Variants in ADTRP observed in about 807,000 individuals in gnomAD.
ADTRP encodes the protein androgen-dependent TFPI-regulating protein.
In ADTRP, 20 loss-of-function variants were observed where a neutral mutation model predicts 27.0. That is an observed-to-expected ratio of 0.74 (90% CI 0.52 to 1.08). ADTRP has a LOEUF of 1.08. ADTRP is among the 50% of genes least tolerant of loss of function. ADTRP has a pLI of 0.00. For missense variants in ADTRP, 251 were observed against 275.0 expected (o/e 0.91, Z 0.62); for synonymous variants, 101 against 105.2 (o/e 0.96, Z 0.25).
intron 1 of ADTRP, among the ~76,000 whole-genome samples, chr6:11,776,045 C>T (rs971677568): frequency 7.6e-3 from 1 of 132 alleles, no homozygotes; most frequent in South Asian, 0.1. Flanking sequence ...AACCATTAAT[C>T]AGCCCATGAA....
At chr6:11,741,550 G>T (rs1462489277) in intron 3 of ADTRP, among the ~76,000 whole-genome samples, 1 of 152,176 alleles carries the variant, frequency 6.6e-6, no homozygotes, top group Non-Finnish European at 1.5e-5. Flanking sequence ...CTTCTGAAGA[G>T]AATTTTTCAG....
At chr6:11,724,850 T>C (rs1762134550) in intron 4 of ADTRP, among the ~76,000 whole-genome samples, 3 of 152,330 alleles carry the variant, frequency 2.0e-5, no homozygotes, top group Middle Eastern at 3.4e-3. Flanking sequence ...CTTGGCACAT[T>C]GTAATATTTG....
At chr6:11,737,005 T>A (rs932563003) in intron 3 of ADTRP, among the ~76,000 whole-genome samples, 2 of 152,042 alleles carry the variant, frequency 1.3e-5, no homozygotes, top group Non-Finnish European at 2.9e-5. Context: ...ACAGTAGAGT[T>A]TTTAAAATGA....
chr6:11,776,646 T>A (rs1352336158), intron 1 of ADTRP, among the ~76,000 whole-genome samples: 2 of 152,066 alleles, frequency 1.3e-5, no homozygotes, highest in Non-Finnish European at 2.9e-5. Flanking sequence ...AGCAATGTGG[T>A]GGAGAGAGGT....
In ADTRP at chr6:11,766,337, A is replaced by G; in HGVS notation, c.327T>C (p.Asn109=). ...GGACCTTGGGGTAAATGAGATCTCG[A>G]TTGTAGAGAAAGAGGATCCAGAATG... ...FLAFWILFLY[N]RDLIYPKVLD... is the part of the protein sequence containing the mutation. The change falls in exon 3 of 6, where the codon AAT becomes AAC. Residue 109 remains asparagine (N), a synonymous_variant. Transcript: ENST00000414691. 1.2e-6 allele frequency: 2 copies of G among 1,612,998 alleles called. No individual in the cohort carries two copies. The highest frequency in any genetic ancestry group is 1.7e-6 in the Non-Finnish European group (2 of 1,179,400).
chr6:11,770,113 T>A, intron 1 of ADTRP: 2 of 1,548,036 alleles, frequency 1.3e-6, no homozygotes, highest in Non-Finnish European at 1.7e-6. Flanking sequence ...AAAAAAATTA[T>A]CAGGTTTCTG....
intron 3 of ADTRP, among the ~76,000 whole-genome samples, chr6:11,758,580 G>GGC (rs1554114794): frequency 8.4e-6 from 1 of 118,554 alleles, no homozygotes; most frequent in African/African-American, 3.2e-5. Context: ...TGGGGTGGGG[G>GGC]GGGGGGACGG....
At chr6:11,754,143 A>T (rs1056002445) in intron 3 of ADTRP, among the ~76,000 whole-genome samples, 1 of 152,206 alleles carries the variant, frequency 6.6e-6, no homozygotes, top group Non-Finnish European at 1.5e-5. Context: ...CCTTTTACTC[A>T]CACTTCAGTA....
At chr6:11,777,332 T>C (rs762902282) in intron 1 of ADTRP, among the ~76,000 whole-genome samples, 3 of 152,100 alleles carry the variant, frequency 2.0e-5, no homozygotes, top group Non-Finnish European at 2.9e-5. Flanking sequence ...CCACACATAG[T>C]GTGAGGTAGG....
chr6:11,718,166 A>G (rs933821677), intron 5 of ADTRP, among the ~76,000 whole-genome samples: 8 of 152,362 alleles, frequency 5.3e-5, no homozygotes, highest in Admixed American at 1.3e-4. Flanking sequence ...TTCAGCTTAC[A>G]GTCTGTCCTT....
At chr6:11,720,468 A>C (rs546600943) in intron 5 of ADTRP, among the ~76,000 whole-genome samples, 43 of 124,090 alleles carry the variant, frequency 3.5e-4, no homozygotes, top group African/African-American at 1.2e-3. Flanking sequence ...CAGGTGAGGG[A>C]TATACCCTTT....
At chr6:11,721,050 C>T (rs886252066) in intron 5 of ADTRP, among the ~76,000 whole-genome samples, 2 of 152,198 alleles carry the variant, frequency 1.3e-5, no homozygotes, top group African/African-American at 4.8e-5. Context: ...AAACAAATCC[C>T]TAAAGCAGTA....
At chr6:11,747,416 G>C (rs1471610691) in intron 3 of ADTRP, among the ~76,000 whole-genome samples, 1 of 152,128 alleles carries the variant, frequency 6.6e-6, no homozygotes, top group East Asian at 1.9e-4. Flanking sequence ...GTTTGTGTAG[G>C]GCACTTTAGC....
chr6:11,741,970 A>G lies in ADTRP; in HGVS notation c.391-6287T>C, dbSNP rs79860338. ...GCTTCCCATAGCTGCTTATTCTTTT[A>G]TCTTCCCAGGCATCACTTCCTTAGC... On this transcript the variant is annotated intron_variant, in intron 3 of 5. Coordinates refer to ENST00000414691, the MANE Select transcript of ADTRP (RefSeq NM_032744.4). Among the ~76,000 whole-genome samples, 171 of 152,190 alleles carry G rather than the reference A, an allele frequency of 1.1e-3. 7 individuals carry two copies. The East Asian group carries it at 0.024, about 21-fold the overall frequency.
chr6:11,725,300 G>A (rs1430765741), intron 4 of ADTRP, among the ~76,000 whole-genome samples: 1 of 152,142 alleles, frequency 6.6e-6, no homozygotes, highest in Non-Finnish European at 1.5e-5. Flanking sequence ...TCCAAAATAT[G>A]TAAAATATTC....
rs1425152296 is a variant in ADTRP at position 11,778,084 on chromosome 6, AG to A, written c.153+522del. Among the ~76,000 whole-genome samples the A allele has an allele frequency of 2.0e-5, 3 of 152,224 alleles. No homozygotes were observed. The East Asian group carries it at 5.8e-4, about 29-fold the overall frequency. On this transcript the variant is annotated intron_variant, in intron 1 of 5. Coordinates refer to ENST00000414691, the MANE Select transcript of ADTRP (RefSeq NM_032744.4). ...ATTCGGTTGGGTGATTTGTCCTTTA[AG>A]ATGGAGCCTGAACCTATAAAAAATT...
chr6:11,777,425 G>A (rs1763993333), intron 1 of ADTRP, among the ~76,000 whole-genome samples: 2 of 152,056 alleles, frequency 1.3e-5, no homozygotes, highest in African/African-American at 4.8e-5. Context: ...GTTTTTCATA[G>A]AAAGCCAATA....
Position 11,754,146 on chromosome 6 carries a change from C to T in ADTRP, c.390+12128G>A, listed in dbSNP as rs2235408. Among the ~76,000 whole-genome samples the T allele has an allele frequency of 6.4e-3, 969 of 152,316 alleles. 24 individuals carry two copies. In the East Asian group the frequency reaches 0.079, roughly 12 times the overall value. ...AATTTGAGCAGACCTTTTACTCACA[C>T]TTCAGTAGATACTGGCGGGTCCCCC... On this transcript the variant is annotated intron_variant, in intron 3 of 5. Coordinates refer to ENST00000414691, the MANE Select transcript of ADTRP (RefSeq NM_032744.4).
intron 1 of ADTRP, among the ~76,000 whole-genome samples, chr6:11,777,434 T>C (rs547246964): frequency 1.8e-4 from 28 of 152,160 alleles, no homozygotes; most frequent in South Asian, 4.2e-4. Flanking sequence ...AGAAAGCCAA[T>C]AGAGACACAA....
Sources: allele counts gnomAD v4.1 joint callset (sites outside exome capture counted in the v4.1 genomes callset), GRCh38; gene constraint gnomAD v4.1.1; transcripts MANE v1.5; gene names NCBI Gene and HGNC (gene_info 2026-07-23, HGNC 2026-07-21).